The following EPB41L1 variants were observed in gnomAD, a reference collection of about 807,000 sequenced individuals.
EPB41L1 encodes the protein erythrocyte membrane protein band 4.1 like 1.
In EPB41L1, 29 loss-of-function variants were observed where a neutral mutation model predicts 97.8. The ratio of observed to expected loss-of-function variants is 0.30; its 90% confidence interval spans 0.22 to 0.40. EPB41L1 has a LOEUF of 0.40. Ranked by LOEUF, EPB41L1 falls within the 10% of genes least tolerant of loss-of-function variation. The probability of loss-of-function intolerance (pLI) is 1.00; values close to 1 mark genes in which losing one functional copy is unlikely to be tolerated. For synonymous variants in EPB41L1, 383 were observed against 459.2 expected (o/e 0.83, Z 2.12); for missense variants, 812 against 1,162.3 (o/e 0.70, Z 4.38).
At chr20:36,175,102 G>A (rs1355326425) in intron 2 of EPB41L1, among the ~76,000 whole-genome samples, 1 of 152,200 alleles carries the variant, frequency 6.6e-6, no homozygotes, top group South Asian at 2.1e-4. Flanking sequence ...CCCGGGGCGG[G>A]CGGCGGTGGG....
intron 2 of EPB41L1, among the ~76,000 whole-genome samples, chr20:36,135,616 C>T (rs1295052291): frequency 1.3e-5 from 2 of 152,224 alleles, no homozygotes; most frequent in Non-Finnish European, 2.9e-5. Context: ...TCACCTCTTG[C>T]CCCTGCCTCC....
rs1169972423 is a variant in EPB41L1, at chr20:36,092,313, C to T, written c.-65+701C>T. On this transcript the variant is annotated intron_variant, in intron 1 of 19. Transcript: ENST00000202028. The surrounding 1 kb of genome is among the most constrained non-coding windows in gnomAD (Gnocchi z 7.0). ...GCGGGAACCCGGGAGGACGTGGGGGCCCCGGGTGGGGTCTGCTCCTCTTCT... is the reference window on the plus strand; with the variant it reads ...GCGGGAACCCGGGAGGACGTGGGGGTCCCGGGTGGGGTCTGCTCCTCTTCT... 6.6e-6 allele frequency among the ~76,000 whole-genome samples: 1 copy of T among 152,130 alleles called. No individual in the cohort carries two copies. Among genetic ancestry groups the T allele is most frequent in the African/African-American group, 2.4e-5 (1 of 41,446 alleles).
intron 1 of EPB41L1, among the ~76,000 whole-genome samples, chr20:36,165,591 C>G (rs1017929008): frequency 6.6e-6 from 1 of 152,058 alleles, no homozygotes; most frequent in Non-Finnish European, 1.5e-5. Context: ...CTTAGCTACT[C>G]GGGAGGCTGA....
Position 36,132,572 on chromosome 20 carries a change from G to GAC in EPB41L1, c.-10+20092_-10+20093insAC, listed in dbSNP as rs1555836959. ...GACATGGACATCTTTGTGGGCGGGG[G>GAC]GGGGGGGCGCATTATTATGCCTGCC... On this transcript the variant is annotated intron_variant, in intron 2 of 19. Coordinates refer to the EPB41L1 transcript ENST00000202028. Among the ~76,000 whole-genome samples, 3 of 127,168 alleles carry GAC rather than the reference G, an allele frequency of 2.4e-5. No individual in the cohort carries two copies. In the East Asian group the frequency reaches 8.0e-4, roughly 34 times the overall value. 83.4% of individuals were successfully genotyped at this position (127,168 alleles called of 152,430 possible).
chr20:36,170,997 C>T (rs2060964528), intron 1 of EPB41L1, among the ~76,000 whole-genome samples: 1 of 152,040 alleles, frequency 6.6e-6, no homozygotes, highest in Non-Finnish European at 1.5e-5. Context: ...AGGAAAAGTT[C>T]CGAGAGTGTG....
chr20:36,211,420 G>T (rs1025623600), intron 15 of EPB41L1, among the ~76,000 whole-genome samples: 1 of 151,998 alleles, frequency 6.6e-6, no homozygotes, highest in African/African-American at 2.4e-5. Context: ...TATACTCAGA[G>T]GTCATAGTCA....
rs2057685825 is a variant in EPB41L1 at position 36,092,464 on chromosome 20, G to C, written c.-65+852G>C. ...CCCCTTCCTCTGCTCCCCTCCCCGG[G>C]ACCGGCGCGCGGCCCCAGCTCCGGC... On this transcript the variant is annotated intron_variant, in intron 1 of 19. Coordinates refer to the EPB41L1 transcript ENST00000202028. This position sits in a 1 kb window ranked among gnomAD's most constrained non-coding sequence, Gnocchi z 7.0. 6.6e-6 allele frequency among the ~76,000 whole-genome samples: 1 copy of C among 151,994 alleles called. No individual in the cohort carries two copies. Among genetic ancestry groups the C allele is most frequent in the South Asian group, 2.1e-4 (1 of 4,834 alleles).
chr20:36,117,573 G>A (rs1397032505), intron 2 of EPB41L1, among the ~76,000 whole-genome samples: 2 of 152,198 alleles, frequency 1.3e-5, no homozygotes, highest in East Asian at 3.8e-4. Context: ...GTAATCCTGA[G>A]AGATAAGGCA....
rs895410194 is a variant in EPB41L1, at chr20:36,222,008, G to A, written c.2520+64G>A. 2.6e-6 allele frequency: 4 copies of A among 1,542,988 alleles called. No individual in the cohort carries two copies. The African/African-American group carries it at 5.4e-5, about 21-fold the overall frequency. ...CAGTCCTCAATCCCTCCTATGTTGGGTTACCCATGGATGGCTATCCTCATG... is the reference window on the plus strand; with the variant it reads ...CAGTCCTCAATCCCTCCTATGTTGGATTACCCATGGATGGCTATCCTCATG... On this transcript the variant is annotated intron_variant, in intron 20 of 21. Transcript: ENST00000338074.
chr20:36,219,064 C>A (rs2063616563), intron 18 of EPB41L1, 102 bp downstream of exon 18: 2 of 1,267,154 alleles, frequency 1.6e-6, no homozygotes, highest in Non-Finnish European at 2.3e-6. Flanking sequence ...GCCCAGAAGG[C>A]ACCCTTCTAG....
In EPB41L1 at chr20:36,197,922, A is replaced by G. The variant is rs2062290356; in HGVS notation, c.1549A>G (p.Thr517Ala). 6.2e-7 allele frequency: 1 copy of G among 1,614,054 alleles called. No homozygotes were observed. The change falls in exon 14 of 22, where the codon ACC becomes GCC. Residue 517 changes from threonine to alanine, a missense_variant. By Grantham distance (58) the Thr-to-Ala change is moderately conservative. Around this residue, in one of 3 missense-constraint regions of EPB41L1, gnomAD observed 498 missense variants for 622.7 expected, o/e 0.80. Transcript: ENST00000338074. ...GGCCAGCATCAATGAGCTCAAAAGG[A>G]CCCTGAAGGAGCCCAACAGCAAACT... ...HQASINELKR[T>A]LKEPNSKLIH... is the part of the protein sequence containing the mutation.
At chr20:36,139,116 G>A (rs756357914) in intron 2 of EPB41L1, among the ~76,000 whole-genome samples, 17 of 152,150 alleles carry the variant, frequency 1.1e-4, no homozygotes, top group Non-Finnish European at 1.5e-4. Context: ...ACAGAAAGCC[G>A]GCCCAAGAGG....
intron 1 of EPB41L1, among the ~76,000 whole-genome samples, chr20:36,160,176 A>T (rs1266824765): frequency 3.3e-5 from 5 of 152,250 alleles, no homozygotes; most frequent in Non-Finnish European, 7.3e-5. Flanking sequence ...TAGAAAATGG[A>T]GTTCCAGCAA....
rs933370652 is a variant in EPB41L1, at chr20:36,206,440, G to A, written c.1669-3048G>A. 1.6e-6 allele frequency: 2 copies of A among 1,290,028 alleles called. No homozygotes were observed. The highest frequency in any genetic ancestry group is 2.0e-6 in the Non-Finnish European group (2 of 988,918). The allele number at this position is 1,290,028 out of a possible 1,614,324, so 79.9% of individuals were successfully genotyped here. A position where few individuals can be genotyped will look rare whatever the true frequency, so the allele number is the denominator to read the frequency against. On this transcript the variant is annotated intron_variant, in intron 14 of 21. Coordinates refer to ENST00000338074, the MANE Select transcript of EPB41L1 (RefSeq NM_012156.2). The surrounding 1 kb of genome is among the most constrained non-coding windows in gnomAD (Gnocchi z 5.5). ...AGAAGCCAGAGCTGAGTTGAGCAAT[G>A]AAACTGATACTTCCTTTGCAGAGAG...
chr20:36,188,822 A>G (rs970351502), intron 9 of EPB41L1, among the ~76,000 whole-genome samples: 4 of 151,406 alleles, frequency 2.6e-5, no homozygotes, highest in African/African-American at 9.7e-5. Context: ...TCTACTAAAA[A>G]TACAAAATTA....
chr20:36,091,486 T>G (rs2057666078), upstream of EPB41L1: 1 of 152,220 alleles, frequency 6.6e-6, no homozygotes, highest in African/African-American at 2.4e-5. Flanking sequence ...ACCTGAGGCA[T>G]GGACCACAGT....
rs540049791 is a variant in EPB41L1, at chr20:36,202,682, G to A, written c.1668+4641G>A. Among the ~76,000 whole-genome samples, 6 of 151,698 alleles carry A rather than the reference G, an allele frequency of 4.0e-5. No individual in the cohort carries two copies. The South Asian group carries it at 6.3e-4, about 16-fold the overall frequency. On this transcript the variant is annotated intron_variant, in intron 14 of 21. Coordinates refer to ENST00000338074, the MANE Select transcript of EPB41L1 (RefSeq NM_012156.2). ...ATAATAATAAGCTGGGCGTGGTGGCGCGTGCCTGTAATCCTAGCTACTGGG... is the reference window on the plus strand; with the variant it reads ...ATAATAATAAGCTGGGCGTGGTGGCACGTGCCTGTAATCCTAGCTACTGGG...
rs565124513 is a variant in EPB41L1, at chr20:36,137,418, A to T, written c.-10+24938A>T. ...TTTTTTTGGATACAGATTGGGTCTC[A>T]CTATGTTGCCCAGGCTGGTCTCAAA... On this transcript the variant is annotated intron_variant, in intron 2 of 19. Coordinates refer to the EPB41L1 transcript ENST00000202028. 2.0e-5 allele frequency among the ~76,000 whole-genome samples: 3 copies of T among 151,582 alleles called. No individual in the cohort carries two copies. In the South Asian group the frequency reaches 6.3e-4, roughly 32 times the overall value.
chr20:36,173,003 T>G (rs963657779), intron 1 of EPB41L1, among the ~76,000 whole-genome samples: 3 of 152,228 alleles, frequency 2.0e-5, no homozygotes, highest in Non-Finnish European at 4.4e-5. Flanking sequence ...AATGGGTCCT[T>G]GACTCTCTGA....
Sources: allele counts gnomAD v4.1 joint callset (sites outside exome capture counted in the v4.1 genomes callset), GRCh38; gene constraint gnomAD v4.1.1; regional missense constraint gnomAD v4.1.1; non-coding constraint Gnocchi (gnomAD v3.1); transcripts MANE v1.5; gene names NCBI Gene and HGNC (gene_info 2026-07-23, HGNC 2026-07-21).